Variants in KCNT1 observed in about 807,000 individuals in gnomAD.
KCNT1 encodes the protein potassium sodium-activated channel subfamily T member 1, also known as potassium channel subfamily T member 1.
KCNT1 carries 78 observed loss-of-function variants against 147.8 expected under a neutral mutation model. That is an observed-to-expected ratio of 0.53 (90% CI 0.44 to 0.64). KCNT1 has a LOEUF of 0.64. Among genes scored for constraint, KCNT1 ranks in the 30% least tolerant of loss-of-function variants. The pLI is 0.00. For synonymous variants in KCNT1, 867 were observed against 748.8 expected, an observed-to-expected ratio of 1.16 and a Z score of -2.58; for missense variants, 1,419 against 1,750.3, an observed-to-expected ratio of 0.81 and a Z score of 3.38.
intron 10 of KCNT1, among the ~76,000 whole-genome samples, chr9:135,758,917 C>T (rs1341275122): frequency 7.4e-6 from 1 of 135,874 alleles, no homozygotes; most frequent in East Asian, 1.9e-4. Flanking sequence ...GGCATGCCCA[C>T]TGTGCCCACC....
chr9:135,784,985 C>T (rs1833930000), intron 27 of KCNT1, 96 bp downstream of exon 27: 1 of 1,522,662 alleles, frequency 6.6e-7, no homozygotes, highest in African/African-American at 1.4e-5. Context: ...GTGGCAGCCC[C>T]TGTCCTGTGT....
chr9:135,750,631 G>T (rs568459422), intron 3 of KCNT1: 9 of 513,894 alleles, frequency 1.8e-5, no homozygotes, highest in Non-Finnish European at 2.8e-5. Context: ...TTTCCCCAGG[G>T]GCTCCACATT....
At chr9:135,790,964 G>C (rs968999041) in intron 29 of KCNT1, 3 of 152,348 alleles carry the variant, frequency 2.0e-5, no homozygotes, top group South Asian at 2.1e-4. Flanking sequence ...TGAGATGATG[G>C]GGGGGCTGTC....
At chr9:135,704,840 G>T (rs1243026206) in intron 1 of KCNT1, among the ~76,000 whole-genome samples, 1 of 152,226 alleles carries the variant, frequency 6.6e-6, no homozygotes, top group East Asian at 1.9e-4. Context: ...TCATGGGAAA[G>T]GTTTGAGGGC....
rs889407061 is a variant in KCNT1 at position 135,723,522 on chromosome 9, C to A, written c.254+8802C>A. On this transcript the variant is annotated intron_variant, in intron 2 of 30. Coordinates refer to ENST00000371757, the MANE Select transcript of KCNT1 (RefSeq NM_020822.3). ...TTGTGCACCACGTGAGCGTGTGGCT[C>A]CCGAAGGGGCATTTTGTGCCTGTGC... 1.6e-4 allele frequency among the ~76,000 whole-genome samples: 25 copies of A among 152,204 alleles called. 1 individual carries two copies. Among genetic ancestry groups the A allele is most frequent in the Non-Finnish European group, 8.8e-5 (6 of 68,028 alleles).
At position 135,760,482 on chromosome 9, in the gene KCNT1, G is replaced by A. The variant is rs570286078; in HGVS notation, c.1035+623G>A. Reference sequence around the variant, plus strand: ...GAGAAGGAGGGGACCCCTGTGGGTGGTGGAACATTTTCCAGGAGGCTGGGT... The same window carrying A: ...GAGAAGGAGGGGACCCCTGTGGGTGATGGAACATTTTCCAGGAGGCTGGGT... On this transcript the variant is annotated intron_variant, in intron 11 of 30. Coordinates refer to ENST00000371757, the MANE Select transcript of KCNT1 (RefSeq NM_020822.3). Among the ~76,000 whole-genome samples, 7 of 152,334 alleles carry A rather than the reference G, an allele frequency of 4.6e-5. No homozygotes were observed. In the South Asian group the frequency reaches 1.2e-3, roughly 27 times the overall value.
intron 18 of KCNT1, 168 bp downstream of exon 18, chr9:135,771,263 G>A (rs950176409): frequency 2.2e-5 from 14 of 648,226 alleles, no homozygotes; most frequent in East Asian, 8.2e-5. Flanking sequence ...CAGGTGGGAC[G>A]GGAGACCAGG....
At chr9:135,760,009 G>T (rs1831809003) in intron 11 of KCNT1, 150 bp downstream of exon 11, 2 of 692,370 alleles carry the variant, frequency 2.9e-6, no homozygotes, top group Non-Finnish European at 4.6e-6. Flanking sequence ...CTGCTCCGTT[G>T]CACGCCCCCA....
chr9:135,725,571 C>G (rs2131348518), intron 2 of KCNT1, among the ~76,000 whole-genome samples: 1 of 152,304 alleles, frequency 6.6e-6, no homozygotes, highest in South Asian at 2.1e-4. Context: ...GTCTCCAGAA[C>G]AGAGAGAAGA....
intron 2 of KCNT1, among the ~76,000 whole-genome samples, chr9:135,726,903 CATT>C: frequency 9.1e-6 from 1 of 110,470 alleles, no homozygotes; most frequent in African/African-American, 3.5e-5. Context: ...CCCTCTTTCC[CATT>C]CTCTCTCTCT....
rs1228316149 is a variant in KCNT1 at position 135,702,228 on chromosome 9, C to T, written c.-31C>T. ...AAGGTGGCGGCTCCCACTCGCTTCT[C>T]CCTCGGGTCGGGTCCGAGCTGCCAG... On this transcript the variant is annotated 5_prime_UTR_variant, in exon 1 of 31. Transcript: ENST00000371757. 1.3e-6 allele frequency: 2 copies of T among 1,528,628 alleles called. No individual in the cohort carries two copies. The highest frequency in any genetic ancestry group is 1.1e-5 in the South Asian group (1 of 88,972). 94.7% of individuals were successfully genotyped at this position (1,528,628 alleles called of 1,614,324 possible). A position where few individuals can be genotyped will look rare whatever the true frequency, so the allele number is the denominator to read the frequency against.
intron 1 of KCNT1, among the ~76,000 whole-genome samples, chr9:135,711,595 C>T (rs879735915): frequency 1.1e-4 from 17 of 152,254 alleles, no homozygotes; most frequent in Non-Finnish European, 2.4e-4. Context: ...CTGCCGGGCT[C>T]CCCTCTGATG....
At chr9:135,767,697 C>G (rs1459136362) in intron 13 of KCNT1, among the ~76,000 whole-genome samples, 1 of 152,160 alleles carries the variant, frequency 6.6e-6, no homozygotes, top group African/African-American at 2.4e-5. Flanking sequence ...CCTGCCAACC[C>G]TGGACCCCTA....
intron 4 of KCNT1, among the ~76,000 whole-genome samples, chr9:135,751,397 G>T (rs553044095): frequency 7.2e-5 from 11 of 151,924 alleles, no homozygotes; most frequent in Admixed American, 5.9e-4. Context: ...GGAAGGGGGC[G>T]CCCAGTCCCC....
At chr9:135,706,279 A>G (rs1835251140) in intron 1 of KCNT1, among the ~76,000 whole-genome samples, 6 of 152,220 alleles carry the variant, frequency 3.9e-5, no homozygotes, top group Admixed American at 3.9e-4. Context: ...TTGCCTTGTC[A>G]CGCACCAGCC....
At position 135,756,939 on chromosome 9, in the gene KCNT1, G is replaced by A. The variant is rs1564351452; in HGVS notation, c.600+7G>A. The A allele has an allele frequency of 6.2e-7, 1 of 1,612,086 alleles. No homozygotes were observed. The highest frequency in any genetic ancestry group is 8.5e-7 in the Non-Finnish European group (1 of 1,179,556). The stretch of plus-strand genomic sequence containing the variant: ...CATCTACCTCAGCTACAAAGTGAGT[G>A]CCTGCCCGGGATGGCACCTCACAGG... On this transcript the variant is annotated splice_region_variant and intron_variant, in intron 7 of 30. Coordinates refer to ENST00000371757, the MANE Select transcript of KCNT1 (RefSeq NM_020822.3).
intron 13 of KCNT1, among the ~76,000 whole-genome samples, chr9:135,767,370 C>T (rs1366553355): frequency 6.6e-6 from 1 of 152,110 alleles, no homozygotes; most frequent in Non-Finnish European, 1.5e-5. Flanking sequence ...ACAGTGGTGC[C>T]AGTGATGTGG....
At chr9:135,727,690 G>C (rs553129978) in intron 2 of KCNT1, among the ~76,000 whole-genome samples, 1 of 152,202 alleles carries the variant, frequency 6.6e-6, no homozygotes, top group Non-Finnish European at 1.5e-5. Context: ...TCTGCATCCC[G>C]GCCCCCAGCC....
rs1016429628 is a variant in KCNT1, at chr9:135,791,955, G to A, written c.3587+74G>A. 5.0e-6 allele frequency: 8 copies of A among 1,610,290 alleles called. No homozygotes were observed. In the East Asian group the frequency reaches 1.3e-4, roughly 27 times the overall value. On this transcript the variant is annotated intron_variant, in intron 30 of 30. Coordinates refer to ENST00000371757, the MANE Select transcript of KCNT1 (RefSeq NM_020822.3). ...GGGCACTGGGGAGATGAGGCCACAG[G>A]CACCACAGTGGGGCCGCTCAGCAGA...
Sources: allele counts gnomAD v4.1 joint callset (sites outside exome capture counted in the v4.1 genomes callset), GRCh38; gene constraint gnomAD v4.1.1; transcripts MANE v1.5; gene names NCBI Gene and HGNC (gene_info 2026-07-23, HGNC 2026-07-21).